CKS2: variants seen among roughly 807,000 people sequenced by gnomAD.
The protein encoded by CKS2 is cyclin-dependent kinases regulatory subunit 2.
CKS2 carries 4 observed loss-of-function variants against 14.3 expected under a neutral mutation model. That is an observed-to-expected ratio of 0.28 (90% CI 0.14 to 0.64). The LOEUF is 0.64. Ranked by LOEUF, CKS2 falls within the 30% of genes least tolerant of loss-of-function variation. The pLI, the probability that CKS2 is intolerant of heterozygous loss-of-function variation, is 0.83. For missense variants in CKS2, 71 were observed against 94.3 expected (o/e 0.75, Z 1.02); for synonymous variants, 33 against 28.7 (o/e 1.15, Z -0.48).
Position 89,311,349 on chromosome 9 carries a change from C to A in CKS2, c.57C>A (p.Tyr19Ter). ...AGTACTTCGACGAACACTACGAGTA[C>A]CGGTGGGCGCCTTTCTTAGACCCCG... is the stretch of plus-strand genomic sequence containing the variant. ...SDKYFDEHYEYRHVMLPRELS... is the reference protein window; with the variant it reads ...SDKYFDEHYE Residue 19 changes from tyrosine to a stop codon, truncating the protein, a stop_gained and splice_region_variant, in exon 1 of 3, where the codon TAC becomes TAA. Transcript: ENST00000314355. LOFTEE classifies it high-confidence loss of function. 1 of 1,604,316 alleles carries A rather than the reference C, an allele frequency of 6.2e-7. No individual in the cohort carries two copies. The highest frequency in any genetic ancestry group is 8.5e-7 in the Non-Finnish European group (1 of 1,176,484).
rs1233276445 is a variant in CKS2, at chr9:89,311,259, G to A, written c.-34G>A. 5.6e-6 allele frequency: 9 copies of A among 1,597,520 alleles called. No individual in the cohort carries two copies. The highest frequency in any genetic ancestry group is 2.3e-5 in the East Asian group (1 of 43,860). ...TTTGTCTGCTGCGCCCGCTCTTCGC[G>A]CTCTCGTTTCATTTTCTGCAGCGCG... is the stretch of plus-strand genomic sequence containing the variant. On this transcript the variant is annotated 5_prime_UTR_variant, in exon 1 of 3. Transcript: ENST00000314355.
chr9:89,315,353 G>T (rs1824687557), intron 2 of CKS2, 56 bp downstream of exon 2: 9 of 1,401,474 alleles, frequency 6.4e-6, no homozygotes, highest in South Asian at 1.6e-5. Flanking sequence ...GGTGGTTATG[G>T]TTGTCAAAAT....
intron 1 of CKS2, among the ~76,000 whole-genome samples, chr9:89,314,036 T>TCCTGTG (rs1824665340): frequency 6.6e-6 from 1 of 152,228 alleles, no homozygotes; most frequent in Non-Finnish European, 1.5e-5. Flanking sequence ...GGATTCAGTT[T>TCCTGTG]ACTGTGTCTC....
At chr9:89,314,631 C>CT (rs1402109357) in intron 1 of CKS2, among the ~76,000 whole-genome samples, 1 of 152,166 alleles carries the variant, frequency 6.6e-6, no homozygotes, top group Non-Finnish European at 1.5e-5. Flanking sequence ...ACATAAAAGT[C>CT]TAATAATCTG....
At position 89,316,620 on chromosome 9, in the gene CKS2, T is replaced by C. The variant is rs1227239811; in HGVS notation, c.*195T>C. 7 of 419,500 alleles carry C rather than the reference T, an allele frequency of 1.7e-5. No individual in the cohort carries two copies. The highest frequency in any genetic ancestry group is 3.0e-5 in the Non-Finnish European group (7 of 232,936). The allele number at this position is 419,500 out of a possible 1,614,324, so 26.0% of individuals were successfully genotyped here. ...GTAAGATGTTTAAGATAAAAGTTCT[T>C]CCAGTCAGTTTTTCTCTTAAGTGCC... On this transcript the variant is annotated 3_prime_UTR_variant, in exon 3 of 3. Coordinates refer to ENST00000314355, the MANE Select transcript of CKS2 (RefSeq NM_001827.3).
intron 1 of CKS2, among the ~76,000 whole-genome samples, chr9:89,314,784 A>T (rs921995554): frequency 6.6e-6 from 1 of 152,220 alleles, no homozygotes; most frequent in Admixed American, 6.5e-5. Flanking sequence ...TTCAACAAGA[A>T]GGAGAAAAAG....
At chr9:89,311,606 C>T in intron 1 of CKS2, among the ~76,000 whole-genome samples, 1 of 152,186 alleles carries the variant, frequency 6.6e-6, no homozygotes, top group East Asian at 1.9e-4. Flanking sequence ...GAGTGCCCAC[C>T]GGGCCGCATT....
chr9:89,311,216 G>T lies in CKS2; in HGVS notation c.-77G>T, dbSNP rs541610603. 94 of 1,224,752 alleles carry T rather than the reference G, an allele frequency of 7.7e-5. No homozygotes were observed. Among genetic ancestry groups the T allele is most frequent in the Middle Eastern group, 3.8e-4 (2 of 5,326 alleles). The allele number at this position is 1,224,752 out of a possible 1,614,324, so 75.9% of individuals were successfully genotyped here. A position where few individuals can be genotyped will look rare whatever the true frequency, so the allele number is the denominator to read the frequency against. On this transcript the variant is annotated 5_prime_UTR_variant, in exon 1 of 3. Coordinates refer to ENST00000314355, the MANE Select transcript of CKS2 (RefSeq NM_001827.3). ...GGTCGTTAGTCTCCGGCGAGTTGTT[G>T]CCTGGGCTGGACGTGGTTTTGTCTG...
In CKS2 at chr9:89,311,208, G is replaced by T; in HGVS notation, c.-85G>T. 1.8e-6 allele frequency: 2 copies of T among 1,117,482 alleles called. No homozygotes were observed. Among genetic ancestry groups the T allele is most frequent in the Admixed American group, 1.9e-5 (1 of 51,852 alleles). The allele number at this position is 1,117,482 out of a possible 1,614,324, so 69.2% of individuals were successfully genotyped here. A position where few individuals can be genotyped will look rare whatever the true frequency, so the allele number is the denominator to read the frequency against. ...GGGACTGCGGTCGTTAGTCTCCGGC[G>T]AGTTGTTGCCTGGGCTGGACGTGGT... On this transcript the variant is annotated 5_prime_UTR_variant, in exon 1 of 3. Coordinates refer to ENST00000314355, the MANE Select transcript of CKS2 (RefSeq NM_001827.3).
chr9:89,311,908 TTTTC>T (rs1369945290), intron 1 of CKS2, among the ~76,000 whole-genome samples: 2 of 152,158 alleles, frequency 1.3e-5, no homozygotes, highest in Non-Finnish European at 2.9e-5. Flanking sequence ...AGAGGAACAC[TTTTC>T]TTTTTCTTGT....
Position 89,316,387 on chromosome 9 carries a change from C to G in CKS2, c.202C>G (p.Leu68Val). The change falls in exon 3 of 3, where the codon CTC becomes GTC. Residue 68 changes from leucine (L) to valine (V), a missense_variant. Transcript: ENST00000314355. The part of the protein sequence containing the change: ...MIHEPEPHIL[L>V]FRRPLPKDQQ... ...TCTTTCCACAGAACCACATATTCTTCTCTTTAGACGACCTCTTCCAAAAGA... is the reference window on the plus strand; with the variant it reads ...TCTTTCCACAGAACCACATATTCTTGTCTTTAGACGACCTCTTCCAAAAGA... 1 of 1,591,254 alleles carries G rather than the reference C, an allele frequency of 6.3e-7. No homozygotes were observed. Among genetic ancestry groups the G allele is most frequent in the Non-Finnish European group, 8.6e-7 (1 of 1,163,114 alleles).
chr9:89,312,538 G>C (rs1824639228), intron 1 of CKS2, among the ~76,000 whole-genome samples: 1 of 152,166 alleles, frequency 6.6e-6, no homozygotes, highest in Non-Finnish European at 1.5e-5. Context: ...AAAACAGTGG[G>C]TGGTTTCTCT....
chr9:89,315,060 A>G (rs1314386465), intron 1 of CKS2, 110 bp from the exon 2 acceptor site: 1 of 825,014 alleles, frequency 1.2e-6, no homozygotes, highest in East Asian at 2.9e-5. Flanking sequence ...AATTAAAGGT[A>G]GTAGATTGCA....
chr9:89,314,145 T>C (rs1276971904), intron 1 of CKS2, among the ~76,000 whole-genome samples: 1 of 152,238 alleles, frequency 6.6e-6, no homozygotes, highest in Non-Finnish European at 1.5e-5. Flanking sequence ...TTATGGATGG[T>C]TCAGTATAAA....
chr9:89,311,432 G>C (rs1405717058), intron 1 of CKS2, 81 bp downstream of exon 1: 8 of 1,100,638 alleles, frequency 7.3e-6, no homozygotes, highest in Non-Finnish European at 8.9e-6. Flanking sequence ...TAGTAGGGTC[G>C]GGGGTGGGGG....
Position 89,315,166 on chromosome 9 carries a change from A to G in CKS2, c.60-4A>G, listed in dbSNP as rs1367031239. 6.2e-7 allele frequency: 1 copy of G among 1,605,428 alleles called. No individual in the cohort carries two copies. Among genetic ancestry groups the G allele is most frequent in the Admixed American group, 1.7e-5 (1 of 59,342 alleles). On this transcript the variant is annotated splice_polypyrimidine_tract_variant and splice_region_variant and intron_variant, in intron 1 of 2. Transcript: ENST00000314355. ...GACTAACACTTGGCTGTATCTTGTA[A>G]CAGGCATGTTATGTTACCCAGAGAA...
chr9:89,313,699 G>A (rs565270999), intron 1 of CKS2, among the ~76,000 whole-genome samples: 2 of 152,270 alleles, frequency 1.3e-5, no homozygotes, highest in South Asian at 4.1e-4. Context: ...GATAGAAAAG[G>A]TACAAAAGCA....
At chr9:89,312,003 C>G (rs3211668) in intron 1 of CKS2, among the ~76,000 whole-genome samples, 4 of 151,912 alleles carry the variant, frequency 2.6e-5, no homozygotes, top group Non-Finnish European at 5.9e-5. Flanking sequence ...AAAATGTTTA[C>G]TGGGTATGGT....
chr9:89,312,890 T>G (rs1824645321), intron 1 of CKS2, among the ~76,000 whole-genome samples: 1 of 152,164 alleles, frequency 6.6e-6, no homozygotes, highest in Non-Finnish European at 1.5e-5. Context: ...GATTTAAGGG[T>G]CGGTACAAGT....
Sources: allele counts gnomAD v4.1 joint callset (sites outside exome capture counted in the v4.1 genomes callset), GRCh38; gene constraint gnomAD v4.1.1; transcripts MANE v1.5; gene names NCBI Gene and HGNC (gene_info 2026-07-23, HGNC 2026-07-21).